Variants in CELF2 observed in about 807,000 individuals in gnomAD.
CELF2 encodes CUG triplet repeat RNA-binding protein 2.
Under a neutral mutation model 62.6 loss-of-function variants are expected in CELF2, and 8 were observed. That is an observed-to-expected ratio of 0.13 (90% confidence interval 0.07 to 0.23). The LOEUF is 0.23. CELF2 is among the 10% of genes least tolerant of loss of function. The pLI is 1.00. For missense variants in CELF2, 333 were observed against 671.0 expected (o/e 0.50, Z 5.56); for synonymous variants, 258 against 250.0 (o/e 1.03, Z -0.30).
intron 2 of CELF2, among the ~76,000 whole-genome samples, chr10:10,954,216 TA>T (rs1212426329): frequency 2.0e-4 from 4 of 19,898 alleles, no homozygotes; most frequent in Admixed American, 1.2e-3. Flanking sequence ...ATTTATTTAT[TA>T]TTATTATTAT....
At chr10:10,845,516 T>C (rs1324554754) in intron 1 of CELF2, among the ~76,000 whole-genome samples, 4 of 152,138 alleles carry the variant, frequency 2.6e-5, no homozygotes, top group Admixed American at 2.6e-4. Flanking sequence ...GCAAGAAATT[T>C]CTGAGCTATC....
At chr10:10,921,495 T>C (rs1479290022) in intron 2 of CELF2, among the ~76,000 whole-genome samples, 5 of 152,272 alleles carry the variant, frequency 3.3e-5, no homozygotes, top group African/African-American at 1.2e-4. Context: ...CTCGAACTCC[T>C]GACCTCAGGT....
chr10:11,086,610 A>AAAAAAAAAAT, intron 1 of CELF2, among the ~76,000 whole-genome samples: 1 of 134,412 alleles, frequency 7.4e-6, no homozygotes, highest in Non-Finnish European at 1.6e-5. Context: ...AAAAAAAAAA[A>AAAAAAAAAAT]CTCCCGACAG....
chr10:11,079,087 C>G (rs2073093474), intron 1 of CELF2, among the ~76,000 whole-genome samples: 1 of 152,128 alleles, frequency 6.6e-6, no homozygotes, highest in African/African-American at 2.4e-5. Context: ...CTCTGTTTTA[C>G]TCTTACTCCC....
intron 1 of CELF2, among the ~76,000 whole-genome samples, chr10:11,047,352 G>C (rs2063051166): frequency 6.6e-6 from 1 of 152,072 alleles, no homozygotes; most frequent in South Asian, 2.1e-4. Context: ...TGGATGAAAG[G>C]GTCTCTATGG....
At position 11,119,049 on chromosome 10, in the gene CELF2, G is replaced by A. The variant is rs1275415959; in HGVS notation, c.75-46437G>A. ...TGGCACTTTCTCAAGCCGCCATCCAGTTGACCAGCTACATGAACAAGGCTG... is the reference window on the plus strand; with the variant it reads ...TGGCACTTTCTCAAGCCGCCATCCAATTGACCAGCTACATGAACAAGGCTG... On this transcript the variant is annotated intron_variant, in intron 1 of 12. Transcript: ENST00000633077. 3.9e-5 allele frequency among the ~76,000 whole-genome samples: 6 copies of A among 152,316 alleles called. No homozygotes were observed. The East Asian group carries it at 1.2e-3, about 29-fold the overall frequency.
the CELF2 span, among the ~76,000 whole-genome samples, chr10:10,493,520 GT>G: frequency 0.57 from 52,431 of 91,808 alleles, 9,500 homozygotes; most frequent in Admixed American, 0.62. Flanking sequence ...GATTTTGGGC[GT>G]TTTTTTTTTG....
chr10:10,486,001 G>T, the CELF2 span, among the ~76,000 whole-genome samples: 1 of 152,196 alleles, frequency 6.6e-6, no homozygotes, highest in African/African-American at 2.4e-5. Flanking sequence ...ATTTTCCAAT[G>T]AGTTAATTGC....
chr10:11,123,001 T>C (rs2058054022), intron 1 of CELF2, among the ~76,000 whole-genome samples: 1 of 152,164 alleles, frequency 6.6e-6, no homozygotes, highest in Non-Finnish European at 1.5e-5. Context: ...GTTTATAGTT[T>C]GGAATATAAG....
the CELF2 span, among the ~76,000 whole-genome samples, chr10:10,519,675 T>C: frequency 3.7e-3 from 568 of 152,326 alleles, 3 homozygotes; most frequent in African/African-American, 0.013. Flanking sequence ...ACCTCCCAGA[T>C]GCTGAGCTAG....
chr10:10,893,336 C>T (rs2062288146), intron 1 of CELF2, among the ~76,000 whole-genome samples: 2 of 152,192 alleles, frequency 1.3e-5, no homozygotes, highest in South Asian at 2.1e-4. Context: ...TGCCATGATA[C>T]ATGAGGCTTC....
At chr10:11,210,227 C>G (rs2061481424) in intron 2 of CELF2, among the ~76,000 whole-genome samples, 1 of 152,264 alleles carries the variant, frequency 6.6e-6, no homozygotes, top group South Asian at 2.1e-4. Context: ...ATATAGAGAG[C>G]TCAGTCATCA....
At position 11,276,505 on chromosome 10, in the gene CELF2, G is replaced by A. The variant is rs376098785; in HGVS notation, c.841+1385G>A. On this transcript the variant is annotated intron_variant, in intron 8 of 12. Coordinates refer to ENST00000633077, the MANE Select transcript of CELF2 (RefSeq NM_001326342.2). ...TTTTAATTCTATGAAAGGAGCTGGA[G>A]AGAGAGAAGTAAAATATTCAGGGGA... 2.6e-4 allele frequency among the ~76,000 whole-genome samples: 40 copies of A among 152,342 alleles called. No homozygotes were observed. In the South Asian group the frequency reaches 8.3e-3, roughly 32 times the overall value.
chr10:10,965,057 A>C (rs758414096), intron 2 of CELF2, among the ~76,000 whole-genome samples: 4 of 152,108 alleles, frequency 2.6e-5, no homozygotes, highest in Non-Finnish European at 4.4e-5. Context: ...ACTCCAACCC[A>C]ATTCTTAGAG....
rs537962360 is a variant in CELF2, at chr10:11,113,477, C to T, written c.75-52009C>T. On this transcript the variant is annotated intron_variant, in intron 1 of 12. Transcript: ENST00000633077. ...ATATCAGAGGGTGGAGGAAAAGGGACGATAAAATATGATGGACTTTTCTCA... is the reference window on the plus strand; with the variant it reads ...ATATCAGAGGGTGGAGGAAAAGGGATGATAAAATATGATGGACTTTTCTCA... Among the ~76,000 whole-genome samples the T allele has an allele frequency of 1.1e-3, 174 of 152,134 alleles. 1 individual carries two copies. In the South Asian group the frequency reaches 0.018, roughly 15 times the overall value.
chr10:10,688,409 C>T, the CELF2 span, among the ~76,000 whole-genome samples: 1 of 152,192 alleles, frequency 6.6e-6, no homozygotes, highest in Non-Finnish European at 1.5e-5. Flanking sequence ...CAAATTATAA[C>T]CACTGCCTTC....
At chr10:10,721,221 C>A in the CELF2 span, among the ~76,000 whole-genome samples, 1 of 152,186 alleles carries the variant, frequency 6.6e-6, no homozygotes, top group African/African-American at 2.4e-5. Context: ...AAGCCAAATG[C>A]TGGGTTTGGG....
At chr10:10,720,256 A>G in the CELF2 span, among the ~76,000 whole-genome samples, 1 of 152,356 alleles carries the variant, frequency 6.6e-6, no homozygotes, top group East Asian at 1.9e-4. Flanking sequence ...AAATATGATA[A>G]CATTTACTGT....
rs1028946271 is a variant in CELF2, at chr10:11,296,982, C to T, written c.976+8430C>T. 4.6e-5 allele frequency among the ~76,000 whole-genome samples: 7 copies of T among 152,124 alleles called. No individual in the cohort carries two copies. Among genetic ancestry groups the T allele is most frequent in the African/African-American group, 7.2e-5 (3 of 41,420 alleles). ...ACCGGGGACCCTGAGAGCCGGGGCT[C>T]AGGAGCTGGGACTTTTCCTGTCAGC... is the stretch of plus-strand genomic sequence containing the variant. On this transcript the variant is annotated intron_variant, in intron 9 of 12. Transcript: ENST00000633077. This position sits in a 1 kb window ranked among gnomAD's most constrained non-coding sequence, Gnocchi z 5.0.
Sources: gnomAD v4.1 joint callset for allele counts (sites outside exome capture counted in the v4.1 genomes callset) on GRCh38, gnomAD v4.1.1 for gene constraint, Gnocchi (gnomAD v3.1) non-coding constraint, MANE v1.5 for transcripts, NCBI Gene and HGNC (gene_info 2026-07-23, HGNC 2026-07-21) for gene names.